Variants in USP8 observed in about 807,000 individuals in gnomAD.
USP8 encodes ubiquitin specific peptidase 8, also known as ubiquitin carboxyl-terminal hydrolase 8.
In USP8, 27 loss-of-function variants were observed where a neutral mutation model predicts 130.0. The observed-to-expected ratio is 0.21, with a 90% CI of 0.15 to 0.29. The LOEUF (loss-of-function observed/expected upper bound fraction) is 0.29, where lower values mean the gene tolerates loss of function less well. USP8 is among the 10% of genes least tolerant of loss of function. The pLI is 1.00. For missense variants in USP8, 1,029 were observed against 1,312.2 expected (o/e 0.78, Z 3.33); for synonymous variants, 392 against 444.1 (o/e 0.88, Z 1.48).
At chr15:50,436,664 A>T (rs2050101578) in intron 1 of USP8, among the ~76,000 whole-genome samples, 1 of 146,224 alleles carries the variant, frequency 6.8e-6, no homozygotes, top group Non-Finnish European at 1.5e-5. Context: ...TGCCCAGCTA[A>T]TTTTTTTTGT....
rs756522739 is a variant in USP8, at chr15:50,497,189, A to G, written c.2996A>G (p.Glu999Gly). 10 of 1,611,246 alleles carry G rather than the reference A, an allele frequency of 6.2e-6. No homozygotes were observed. Among genetic ancestry groups the G allele is most frequent in the Non-Finnish European group, 1.7e-6 (2 of 1,178,944 alleles). The change falls in exon 18 of 20, where the codon GAA becomes GGA. Residue 999 changes from glutamate to glycine, a missense_variant. Glu to Gly is a moderately conservative substitution (Grantham distance 98, BLOSUM62 -2). Coordinates refer to ENST00000307179, the MANE Select transcript of USP8 (RefSeq NM_005154.5). ...RARRDSLKKI[E>G]IWKLPPVLLV... ...CGACGGGATTCTCTAAAAAAGATAG[A>G]AATCTGGAAGTTACCACCTGTGCTT...
chr15:50,496,450 C>T (rs2052410277), intron 17 of USP8, among the ~76,000 whole-genome samples: 1 of 146,528 alleles, frequency 6.8e-6, no homozygotes, highest in Non-Finnish European at 1.5e-5. Context: ...CACTGCACTC[C>T]AGCCTAGGGG....
chr15:50,450,316 G>A (rs1296574474), intron 4 of USP8, among the ~76,000 whole-genome samples: 1 of 151,866 alleles, frequency 6.6e-6, no homozygotes, highest in Non-Finnish European at 1.5e-5. Context: ...AGTATTTACT[G>A]TTACTTTTGA....
chr15:50,427,558 A>ATT (rs59709410), intron 1 of USP8, among the ~76,000 whole-genome samples: 38 of 106,518 alleles, frequency 3.6e-4, no homozygotes, highest in African/African-American at 6.0e-4. Context: ...AGCCGTACTA[A>ATT]TTTTTTTTTT....
intron 12 of USP8, among the ~76,000 whole-genome samples, chr15:50,484,970 C>T (rs558928377): frequency 2.4e-4 from 37 of 151,964 alleles, no homozygotes; most frequent in Non-Finnish European, 5.3e-4. Flanking sequence ...TGGTGGTTGT[C>T]AGAGCTGGAG....
Position 50,499,388 on chromosome 15 carries a change from CTT to C in USP8, c.*309_*310del, listed in dbSNP as rs36042420. The stretch of plus-strand genomic sequence containing the variant: ...CGACTGGTCTAAAAACTATTGTTAT[CTT>C]TTTTTTTTCCTTTTCACTGTTATGG... On this transcript the variant is annotated 3_prime_UTR_variant, in exon 20 of 20. Coordinates refer to ENST00000307179, the MANE Select transcript of USP8 (RefSeq NM_005154.5). 6.1e-5 allele frequency: 12 copies of C among 197,878 alleles called. No homozygotes were observed. The highest frequency in any genetic ancestry group is 2.3e-4 in the East Asian group (2 of 8,594). 12.3% of individuals were successfully genotyped at this position (197,878 alleles called of 1,614,324 possible).
intron 14 of USP8, among the ~76,000 whole-genome samples, chr15:50,490,850 G>GGACC (rs2052133810): frequency 1.3e-5 from 2 of 152,082 alleles, no homozygotes. Context: ...CTCCCTTTGA[G>GGACC]GACCATAATT....
At chr15:50,424,813 C>T (rs538349447) in intron 1 of USP8, among the ~76,000 whole-genome samples, 3 of 145,394 alleles carry the variant, frequency 2.1e-5, no homozygotes, top group Non-Finnish European at 4.6e-5. Context: ...TGACCTCTTT[C>T]CTCTTGCTTC....
chr15:50,451,183 G>A (rs1267806349), intron 4 of USP8, among the ~76,000 whole-genome samples: 4 of 152,216 alleles, frequency 2.6e-5, no homozygotes, highest in East Asian at 1.9e-4. Context: ...CCAGGCGGGC[G>A]GATTACTTGA....
intron 6 of USP8, 101 bp downstream of exon 6, chr15:50,462,423 G>T: frequency 9.8e-7 from 1 of 1,015,886 alleles, no homozygotes. Flanking sequence ...TAGCATTGTT[G>T]TCTAATCTCT....
In USP8 at chr15:50,489,852, G is replaced by A. The variant is rs375429027; in HGVS notation, c.1942G>A (p.Val648Ile). Reference sequence around the variant, plus strand: ...ACGAAGTGAAGAAATGGGGAGGATCGTACCAGGACTGCCTTCAGGCTGGGC... The same window carrying A: ...ACGAAGTGAAGAAATGGGGAGGATCATACCAGGACTGCCTTCAGGCTGGGC... ...RARSEEMGRIVPGLPSGWAKF... is the reference protein window; with the variant it reads ...RARSEEMGRIIPGLPSGWAKF... The change falls in exon 13 of 20, where the codon GTA (valine) becomes ATA (isoleucine). Residue 648 changes from valine (V) to isoleucine (I), a missense_variant. By Grantham distance (29) the Val-to-Ile change is conservative. Coordinates refer to ENST00000307179, the MANE Select transcript of USP8 (RefSeq NM_005154.5). 42 of 1,583,464 alleles carry A rather than the reference G, an allele frequency of 2.7e-5. No homozygotes were observed. Among genetic ancestry groups the A allele is most frequent in the East Asian group, 9.3e-5 (4 of 43,032 alleles).
chr15:50,473,807 T>C (rs953079903), intron 8 of USP8, among the ~76,000 whole-genome samples: 8 of 149,050 alleles, frequency 5.4e-5, no homozygotes, highest in Non-Finnish European at 7.4e-5. Flanking sequence ...CATCTAAGTA[T>C]ATATATATAT....
chr15:50,494,939 T>C (rs1031362460), intron 16 of USP8, among the ~76,000 whole-genome samples: 1 of 150,560 alleles, frequency 6.6e-6, no homozygotes, highest in Non-Finnish European at 1.5e-5. Flanking sequence ...CGCTTGAACC[T>C]GGGAGGCAGA....
At chr15:50,451,886 A>T (rs1212355827) in intron 4 of USP8, among the ~76,000 whole-genome samples, 1 of 152,246 alleles carries the variant, frequency 6.6e-6, no homozygotes, top group Non-Finnish European at 1.5e-5. Context: ...TGGAGAATAG[A>T]TTATAACTTT....
chr15:50,444,260 C>T (rs1555527636), intron 3 of USP8, among the ~76,000 whole-genome samples: 1 of 151,556 alleles, frequency 6.6e-6, no homozygotes, highest in Admixed American at 6.6e-5. Flanking sequence ...CCCGCCACCA[C>T]GCCTGGCCTA....
chr15:50,454,008 G>A (rs943822607), intron 4 of USP8, among the ~76,000 whole-genome samples: 2 of 151,658 alleles, frequency 1.3e-5, no homozygotes, highest in Admixed American at 6.6e-5. Context: ...GACTACAGGC[G>A]CACACCACCA....
At chr15:50,487,711 T>C (rs1008960632) in intron 12 of USP8, among the ~76,000 whole-genome samples, 6 of 152,370 alleles carry the variant, frequency 3.9e-5, no homozygotes, top group East Asian at 1.9e-4. Context: ...TCTACACTCA[T>C]TCTGTGTAAA....
intron 1 of USP8, among the ~76,000 whole-genome samples, chr15:50,430,467 A>G (rs944341322): frequency 6.6e-6 from 1 of 152,110 alleles, no homozygotes; most frequent in African/African-American, 2.4e-5. Context: ...GCAATGGTGT[A>G]ATCATGGTTC....
chr15:50,493,159 G>A (rs1000094384), intron 15 of USP8: 8 of 578,794 alleles, frequency 1.4e-5, no homozygotes, highest in Admixed American at 2.2e-5. Flanking sequence ...GGACAGACTC[G>A]TCCTGTCGAG....
Sources: gnomAD v4.1 joint callset for allele counts (sites outside exome capture counted in the v4.1 genomes callset) on GRCh38, gnomAD v4.1.1 for gene constraint, MANE v1.5 for transcripts, NCBI Gene and HGNC (gene_info 2026-07-23, HGNC 2026-07-21) for gene names.